Variants in RANBP17 observed in about 807,000 individuals in gnomAD.
The protein encoded by RANBP17 is RAN binding protein 17.
In RANBP17, 158 loss-of-function variants were observed where a neutral mutation model predicts 141.2. That is an observed-to-expected ratio of 1.12 (90% CI 0.98 to 1.28). The LOEUF (loss-of-function observed/expected upper bound fraction) is 1.28, where lower values mean the gene tolerates loss of function less well. Among genes scored for constraint, RANBP17 ranks in the 50% most tolerant of loss-of-function variants. The probability of loss-of-function intolerance (pLI) is 0.00; values close to 1 mark genes in which losing one functional copy is unlikely to be tolerated. For missense variants in RANBP17, 1,438 were observed against 1,290.7 expected, an observed-to-expected ratio of 1.11 and a Z score of -1.75; for synonymous variants, 430 against 450.0, an observed-to-expected ratio of 0.96 and a Z score of 0.56.
At chr5:170,998,310 A>G (rs1454691723) in intron 14 of RANBP17, among the ~76,000 whole-genome samples, 2 of 152,132 alleles carry the variant, frequency 1.3e-5, no homozygotes, top group African/African-American at 4.8e-5. Flanking sequence ...AGCAATTGCC[A>G]TTTCAAATCA....
intron 12 of RANBP17, among the ~76,000 whole-genome samples, chr5:170,928,466 CTATTA>C (rs1477799618): frequency 6.6e-6 from 1 of 151,962 alleles, no homozygotes; most frequent in Non-Finnish European, 1.5e-5. Flanking sequence ...ATAGTTTCAG[CTATTA>C]TATTGAGGCC....
intron 12 of RANBP17, among the ~76,000 whole-genome samples, chr5:170,937,321 C>A (rs1008540495): frequency 6.6e-6 from 1 of 152,140 alleles, no homozygotes; most frequent in Non-Finnish European, 1.5e-5. Context: ...CTGTTTAGGG[C>A]AGATTTTTTT....
chr5:170,965,222 T>C (rs1776458317), intron 13 of RANBP17, among the ~76,000 whole-genome samples: 1 of 144,872 alleles, frequency 6.9e-6, no homozygotes, highest in African/African-American at 2.5e-5. Context: ...GTTCATGTCT[T>C]TTGCCCACTT....
chr5:171,250,652 T>G (rs1280822491), intron 24 of RANBP17, among the ~76,000 whole-genome samples: 8 of 151,480 alleles, frequency 5.3e-5, no homozygotes, highest in African/African-American at 1.9e-4. Flanking sequence ...AAAAAGATAA[T>G]CCACACAAAC....
intron 16 of RANBP17, 81 bp from the exon 17 acceptor site, chr5:171,183,086 A>C: frequency 1.4e-6 from 1 of 727,888 alleles, no homozygotes; most frequent in South Asian, 1.7e-5. Flanking sequence ...AATTGATGCC[A>C]CTACAGTTCA....
chr5:171,066,815 T>A (rs1449287523), intron 14 of RANBP17, among the ~76,000 whole-genome samples: 2 of 152,158 alleles, frequency 1.3e-5, no homozygotes, highest in Non-Finnish European at 2.9e-5. Context: ...CAGATCTTTT[T>A]TAAAAAAAGT....
At chr5:171,021,637 G>T (rs967525046) in intron 14 of RANBP17, among the ~76,000 whole-genome samples, 4 of 152,090 alleles carry the variant, frequency 2.6e-5, no homozygotes, top group Admixed American at 6.6e-5. Context: ...TTATGTTCCT[G>T]TCTAAACTGG....
rs183990809 is a variant in RANBP17 at position 171,000,361 on chromosome 5, C to T, written c.1710+31984C>T. ...TTTCCACCAGCATTGCACAAGGATT[C>T]GAGTTTCTCCACATCCTCACCAACA... On this transcript the variant is annotated intron_variant, in intron 14 of 27. Transcript: ENST00000523189. 6.4e-3 allele frequency among the ~76,000 whole-genome samples: 974 copies of T among 152,188 alleles called. 7 individuals carry two copies. Among genetic ancestry groups the T allele is most frequent in the Non-Finnish European group, 9.8e-3 (668 of 68,012 alleles).
At chr5:171,267,856 T>C (rs941157998) in intron 25 of RANBP17, among the ~76,000 whole-genome samples, 2 of 151,946 alleles carry the variant, frequency 1.3e-5, no homozygotes, top group African/African-American at 4.8e-5. Flanking sequence ...ATGATGAAAA[T>C]AGAATGAGAC....
intron 14 of RANBP17, among the ~76,000 whole-genome samples, chr5:171,068,736 A>C (rs370764195): frequency 7.9e-5 from 12 of 152,038 alleles, no homozygotes; most frequent in East Asian, 3.9e-4. Context: ...ACAGGCATAC[A>C]CCACCACGCC....
chr5:170,949,941 G>A (rs1056985848), intron 12 of RANBP17, among the ~76,000 whole-genome samples: 5 of 152,048 alleles, frequency 3.3e-5, no homozygotes, highest in African/African-American at 4.8e-5. Context: ...CCCATAAGTC[G>A]TATGTTTACA....
chr5:171,241,150 A>G lies in RANBP17; in HGVS notation c.2637+8A>G, dbSNP rs199787268. On this transcript the variant is annotated splice_region_variant and intron_variant, in intron 23 of 27. Coordinates refer to ENST00000523189, the MANE Select transcript of RANBP17 (RefSeq NM_022897.5). ...TCCCACAGTGACTTGCTAGTAAGCA[A>G]TCATGCATCATGGGAGTGTTTGTAT... The G allele has an allele frequency of 8.8e-6, 14 of 1,598,254 alleles. No homozygotes were observed. The highest frequency in any genetic ancestry group is 1.1e-5 in the South Asian group (1 of 90,508).
At chr5:171,200,276 G>T (rs1183440324) in intron 19 of RANBP17, among the ~76,000 whole-genome samples, 1 of 152,212 alleles carries the variant, frequency 6.6e-6, no homozygotes, top group Non-Finnish European at 1.5e-5. Flanking sequence ...GGAACAAAGT[G>T]ATTAGGATAA....
intron 14 of RANBP17, among the ~76,000 whole-genome samples, chr5:171,044,375 A>G (rs1394460047): frequency 6.6e-6 from 1 of 152,014 alleles, no homozygotes; most frequent in African/African-American, 2.4e-5. Context: ...ATTAAAGAAT[A>G]AGGAAGAATT....
chr5:171,293,159 G>A (rs1454331390), intron 25 of RANBP17, among the ~76,000 whole-genome samples: 3 of 152,046 alleles, frequency 2.0e-5, no homozygotes, highest in Non-Finnish European at 2.9e-5. Context: ...CTGCCTCCTC[G>A]CATGCCCACT....
chr5:171,221,642 CT>C (rs1167996991), intron 21 of RANBP17, 115 bp from the exon 22 acceptor site: 2 of 669,736 alleles, frequency 3.0e-6, no homozygotes, highest in African/African-American at 3.6e-5. Flanking sequence ...TGGAGTGGAA[CT>C]TTAAGAGACA....
At position 170,916,561 on chromosome 5, in the gene RANBP17, A is replaced by G; in HGVS notation, c.931A>G (p.Lys311Glu). ...CCTTGGTAATTTAATTAAGGGAGTA[A>G]AAAGGATACTTGAAAACCCTCAGGT... ...KYLGNLIKGV[K>E]RILENPQGLS... Residue 311 changes from lysine to glutamate, a missense_variant, in exon 9 of 28, where the codon AAA becomes GAA. By Grantham distance (56) the Lys-to-Glu change is moderately conservative. Transcript: ENST00000523189. The G allele has an allele frequency of 1.9e-6, 3 of 1,569,616 alleles. No homozygotes were observed. Among genetic ancestry groups the G allele is most frequent in the Non-Finnish European group, 2.6e-6 (3 of 1,153,344 alleles).
chr5:171,223,782 ATG>A (rs1763716685), intron 22 of RANBP17, among the ~76,000 whole-genome samples: 1 of 152,134 alleles, frequency 6.6e-6, no homozygotes, highest in Admixed American at 6.5e-5. Context: ...ATCATATAAG[ATG>A]TGTGTCTGGA....
chr5:170,923,713 A>G (rs1212555228), intron 11 of RANBP17, among the ~76,000 whole-genome samples: 1 of 152,162 alleles, frequency 6.6e-6, no homozygotes, highest in African/African-American at 2.4e-5. Flanking sequence ...TCTTGCATAC[A>G]TTTAGGTAGA....
Sources: gnomAD v4.1 joint callset for allele counts (sites outside exome capture counted in the v4.1 genomes callset) on GRCh38, gnomAD v4.1.1 for gene constraint, MANE v1.5 for transcripts, NCBI Gene and HGNC (gene_info 2026-07-23, HGNC 2026-07-21) for gene names.